The following PDHB variants were observed in gnomAD, a reference collection of about 807,000 sequenced individuals.
PDHB encodes pyruvate dehydrogenase E1 subunit beta, also known as pyruvate dehydrogenase E1 component subunit beta, mitochondrial.
PDHB carries 17 observed loss-of-function variants against 42.8 expected under a neutral mutation model. The observed-to-expected ratio is 0.40, with a 90% CI of 0.27 to 0.60. The LOEUF is 0.60. PDHB is among the 20% of genes least tolerant of loss of function. The pLI is 0.46. For missense variants in PDHB, 322 were observed against 451.3 expected, an observed-to-expected ratio of 0.71 and a Z score of 2.60; for synonymous variants, 154 against 148.7, an observed-to-expected ratio of 1.04 and a Z score of -0.26.
rs1207471576 is a variant in PDHB at position 58,431,458 on chromosome 3, G to A, written c.303+135C>T. ...AGCCACTATGGAGGCTGAGGCAGGA[G>A]AATTGCTTGAACCTGGAAGCTGAGA... On this transcript the variant is annotated intron_variant, in intron 5 of 9. Coordinates refer to ENST00000302746, the MANE Select transcript of PDHB (RefSeq NM_000925.4). The surrounding 1 kb of genome is among the most constrained non-coding windows in gnomAD (Gnocchi z 4.4). 5 of 764,274 alleles carry A rather than the reference G, an allele frequency of 6.5e-6. No individual in the cohort carries two copies. The East Asian group carries it at 1.2e-4, about 19-fold the overall frequency. The allele number at this position is 764,274 out of a possible 1,614,324, so 47.3% of individuals were successfully genotyped here. A position where few individuals can be genotyped will look rare whatever the true frequency, so the allele number is the denominator to read the frequency against.
At chr3:58,430,013 T>C in intron 7 of PDHB, 115 bp downstream of exon 7, 1 of 755,476 alleles carries the variant, frequency 1.3e-6, no homozygotes, top group Non-Finnish European at 2.4e-6. Context: ...TGGGGCATCT[T>C]GAGCTCATCC....
Position 58,431,396 on chromosome 3 carries a change from A to C in PDHB, c.303+197T>G. On this transcript the variant is annotated intron_variant, in intron 5 of 9. Transcript: ENST00000302746. This position sits in a 1 kb window ranked among gnomAD's most constrained non-coding sequence, Gnocchi z 4.4. ...AAACCCCATCTCTACTAAAAACACA[A>C]AAATTGGCTAGGCACAGTGGCGCGA... 1.7e-6 allele frequency: 1 copy of C among 578,732 alleles called. No individual in the cohort carries two copies. Among genetic ancestry groups the C allele is most frequent in the East Asian group, 3.0e-5 (1 of 33,542 alleles). The allele number at this position is 578,732 out of a possible 1,614,324, so 35.8% of individuals were successfully genotyped here.
intron 2 of PDHB, 111 bp from the exon 3 acceptor site, chr3:58,432,095 G>A (rs756304530): frequency 6.7e-6 from 5 of 747,076 alleles, no homozygotes; most frequent in Admixed American, 2.1e-5. Context: ...AAAAACACTA[G>A]AACAAGCTTC....
intron 8 of PDHB, 131 bp from the exon 9 acceptor site, chr3:58,428,745 C>G: frequency 3.8e-6 from 3 of 791,688 alleles, no homozygotes; most frequent in African/African-American, 1.7e-5. Flanking sequence ...CCTATGAATA[C>G]CTATTCATGA....
rs757230123 is a variant in PDHB, at chr3:58,428,507, T to TC, written c.899dup (p.Val301SerfsTer4). The TC allele has an allele frequency of 2.5e-6, 4 of 1,614,192 alleles. No individual in the cohort carries two copies. Among genetic ancestry groups the TC allele is most frequent in the Non-Finnish European group, 3.4e-6 (4 of 1,180,010 alleles). ...TCCTGGCACAGATTTCAGCTCCTACTCCAAACTGTGGCCAGCCTCCTTCCA... is the reference window on the plus strand; with the variant it reads ...TCCTGGCACAGATTTCAGCTCCTACTCCCAAACTGTGGCCAGCCTCCTTCCA... On this transcript the variant is annotated frameshift_variant, in exon 9 of 10. Transcript: ENST00000302746. LOFTEE classifies it high-confidence loss of function.
chr3:58,431,696 G>A lies in PDHB; in HGVS notation c.267+35C>T. 3 of 1,595,140 alleles carry A rather than the reference G, an allele frequency of 1.9e-6. No homozygotes were observed. The highest frequency in any genetic ancestry group is 2.6e-6 in the Non-Finnish European group (3 of 1,162,704). On this transcript the variant is annotated intron_variant, in intron 4 of 9. Coordinates refer to ENST00000302746, the MANE Select transcript of PDHB (RefSeq NM_000925.4). This position sits in a 1 kb window ranked among gnomAD's most constrained non-coding sequence, Gnocchi z 4.4. ...GAGGATAATGGACACTAACAGACAT[G>A]CCCTCCAGGGTCTGCTTCCCACTGG...
chr3:58,431,213 A>AT lies in PDHB; in HGVS notation c.304-272dup, dbSNP rs111261470. The AT allele has an allele frequency of 0.03, 12,272 of 408,850 alleles. 23 individuals are homozygous for AT. Among genetic ancestry groups the AT allele is most frequent in the African/African-American group, 0.039 (1,892 of 48,004 alleles). The allele number at this position is 408,850 out of a possible 1,614,324, so 25.3% of individuals were successfully genotyped here. On this transcript the variant is annotated intron_variant, in intron 5 of 9. Transcript: ENST00000302746. This position sits in a 1 kb window ranked among gnomAD's most constrained non-coding sequence, Gnocchi z 4.4. ...GCACCACCACATCTACCTACTTGGT[A>AT]TTTTTTTTTTTTCCCAAATGATGTT...
chr3:58,427,937 T>C lies in PDHB; in HGVS notation c.*97A>G, dbSNP rs555536762. On this transcript the variant is annotated 3_prime_UTR_variant, in exon 10 of 10. Transcript: ENST00000302746. The stretch of plus-strand genomic sequence containing the variant: ...TACCTGCTGTTGCTTTAGAAATCGT[T>C]TTCCGTTATGAATAGTCAGGTCTTG... 3.2e-6 allele frequency: 3 copies of C among 937,470 alleles called. No homozygotes were observed. The highest frequency in any genetic ancestry group is 1.4e-5 in the South Asian group (1 of 72,710). 58.1% of individuals were successfully genotyped at this position (937,470 alleles called of 1,614,324 possible).
chr3:58,431,131 A>C lies in PDHB; in HGVS notation c.304-189T>G, dbSNP rs2062916479. The stretch of plus-strand genomic sequence containing the variant: ...ACATCATAGCTCACTGCAGCCTCTA[A>C]CTCCTAGGCTCAAGTAATCCTTCCT... On this transcript the variant is annotated intron_variant, in intron 5 of 9. Coordinates refer to ENST00000302746, the MANE Select transcript of PDHB (RefSeq NM_000925.4). This position sits in a 1 kb window ranked among gnomAD's most constrained non-coding sequence, Gnocchi z 4.4. 1.6e-6 allele frequency: 1 copy of C among 629,992 alleles called. No individual in the cohort carries two copies. The highest frequency in any genetic ancestry group is 1.8e-5 in the African/African-American group (1 of 54,700). The allele number at this position is 629,992 out of a possible 1,614,324, so 39.0% of individuals were successfully genotyped here.
chr3:58,428,754 G>T, intron 8 of PDHB, 140 bp from the exon 9 acceptor site: 1 of 742,318 alleles, frequency 1.3e-6, no homozygotes. Flanking sequence ...ACCTATTCAT[G>T]AATGTACAAA....
At chr3:58,430,282 A>G in intron 6 of PDHB, 44 bp from the exon 7 acceptor site, 1 of 1,266,328 alleles carries the variant, frequency 7.9e-7, no homozygotes, top group Non-Finnish European at 1.1e-6. Context: ...AATCACATCC[A>G]GAATGACTAA....
Position 58,428,034 on chromosome 3 carries a change from C to T in PDHB, c.1080G>A (p.Ter360=), listed in dbSNP as rs1323403685. ...IFAIKKTLNI[*] Reference sequence around the variant, plus strand: ...CAACGACTTGATATTCAAGTCCAAACTAAATATTTAATGTTTTCTTTATTG... The same window carrying T: ...CAACGACTTGATATTCAAGTCCAAATTAAATATTTAATGTTTTCTTTATTG... The change falls in exon 10 of 10, where the codon TAG becomes TAA. Residue 360 remains the stop codon, a stop_retained_variant. Coordinates refer to ENST00000302746, the MANE Select transcript of PDHB (RefSeq NM_000925.4). 1.9e-6 allele frequency: 3 copies of T among 1,601,434 alleles called. No individual in the cohort carries two copies. Among genetic ancestry groups the T allele is most frequent in the Non-Finnish European group, 2.6e-6 (3 of 1,168,694 alleles).
chr3:58,427,817 G>T lies in PDHB; in HGVS notation c.*217C>A. ...ATATAATTTGTTATTCAAAGAACAT[G>T]GCAACCGTAACAGACAAAAGGAAGC... is the stretch of plus-strand genomic sequence containing the variant. On this transcript the variant is annotated 3_prime_UTR_variant, in exon 10 of 10. Transcript: ENST00000302746. 1 of 625,766 alleles carries T rather than the reference G, an allele frequency of 1.6e-6. No homozygotes were observed. The highest frequency in any genetic ancestry group is 3.0e-6 in the Non-Finnish European group (1 of 338,918). 38.8% of individuals were successfully genotyped at this position (625,766 alleles called of 1,614,324 possible).
intron 2 of PDHB, chr3:58,433,390 G>A: frequency 1.7e-6 from 1 of 597,972 alleles, no homozygotes; most frequent in South Asian, 2.0e-5. Flanking sequence ...CATGGAGTGA[G>A]GGAGGAAACG....
intron 9 of PDHB, 34 bp downstream of exon 9, chr3:58,428,439 T>G: frequency 1.9e-6 from 3 of 1,609,414 alleles, no homozygotes; most frequent in Non-Finnish European, 2.6e-6. Context: ...TACTATAGCT[T>G]GACTGTATTC....
At position 58,431,577 on chromosome 3, in the gene PDHB, A is replaced by T. The variant is rs75014325; in HGVS notation, c.303+16T>A. ...AGAAATGTCTTTGGATAAGTTTCAT[A>T]AAGAGTATTACATACCATAGCTGCA... On this transcript the variant is annotated intron_variant, in intron 5 of 9. Coordinates refer to ENST00000302746, the MANE Select transcript of PDHB (RefSeq NM_000925.4). The surrounding 1 kb of genome is among the most constrained non-coding windows in gnomAD (Gnocchi z 4.4). 8 of 1,578,832 alleles carry T rather than the reference A, an allele frequency of 5.1e-6. No homozygotes were observed. Among genetic ancestry groups the T allele is most frequent in the Non-Finnish European group, 7.0e-6 (8 of 1,149,574 alleles).
chr3:58,429,181 C>G (rs11130640), intron 8 of PDHB, among the ~76,000 whole-genome samples: 36,350 of 152,172 alleles, frequency 0.24, 6,056 homozygotes, highest in East Asian at 0.8. Flanking sequence ...CATCATGTAC[C>G]AAGCACTACA....
In PDHB at chr3:58,431,105, C is replaced by T. The variant is rs1576957458; in HGVS notation, c.304-163G>A. On this transcript the variant is annotated intron_variant, in intron 5 of 9. Coordinates refer to ENST00000302746, the MANE Select transcript of PDHB (RefSeq NM_000925.4). This position sits in a 1 kb window ranked among gnomAD's most constrained non-coding sequence, Gnocchi z 4.4. ...TCACCCATGCTGGAGTGCAGTGGCA[C>T]ACATCATAGCTCACTGCAGCCTCTA... is the stretch of plus-strand genomic sequence containing the variant. 1 of 706,916 alleles carries T rather than the reference C, an allele frequency of 1.4e-6. No individual in the cohort carries two copies. The highest frequency in any genetic ancestry group is 2.7e-5 in the East Asian group (1 of 36,906). 43.8% of individuals were successfully genotyped at this position (706,916 alleles called of 1,614,324 possible). A position where few individuals can be genotyped will look rare whatever the true frequency, so the allele number is the denominator to read the frequency against.
In PDHB at chr3:58,433,776, G is replaced by A. The variant is rs778745122; in HGVS notation, c.34C>T (p.Leu12Phe). 1.2e-5 allele frequency: 19 copies of A among 1,612,388 alleles called. No individual in the cohort carries two copies. Among genetic ancestry groups the A allele is most frequent in the East Asian group, 1.1e-4 (5 of 44,804 alleles). The change falls in exon 1 of 10, where the codon CTT (leucine) becomes TTT (phenylalanine). Residue 12 changes from leucine (L) to phenylalanine (F), a missense_variant. Transcript: ENST00000302746. ...AAVSGLVRRP[L>F]REVSGLLKRR... ...CGCGCGCTGCTGCCTACCTCCCGAAGGGGTCTCCGCACCAAGCCAGACACC... is the reference window on the plus strand; with the variant it reads ...CGCGCGCTGCTGCCTACCTCCCGAAAGGGTCTCCGCACCAAGCCAGACACC...
Sources: gnomAD v4.1 joint callset for allele counts (sites outside exome capture counted in the v4.1 genomes callset) on GRCh38, gnomAD v4.1.1 for gene constraint, Gnocchi (gnomAD v3.1) non-coding constraint, MANE v1.5 for transcripts, NCBI Gene and HGNC (gene_info 2026-07-23, HGNC 2026-07-21) for gene names.